Variants in OLFM3 observed in about 807,000 individuals in gnomAD.
The protein encoded by OLFM3 is noelin-3.
Under a neutral mutation model 48.6 loss-of-function variants are expected in OLFM3, and 20 were observed. The observed-to-expected ratio is 0.41, with a 90% CI of 0.29 to 0.60. The LOEUF (loss-of-function observed/expected upper bound fraction) is 0.60. OLFM3 is among the 20% of genes least tolerant of loss of function. The pLI is 0.28. For synonymous variants in OLFM3, 222 were observed against 198.1 expected (o/e 1.12, Z -1.01); for missense variants, 437 against 544.3 (o/e 0.80, Z 1.96).
intron 1 of OLFM3, among the ~76,000 whole-genome samples, chr1:101,852,356 T>A (rs1656255266): frequency 1.3e-5 from 2 of 152,112 alleles, no homozygotes; most frequent in African/African-American, 4.8e-5. Flanking sequence ...TAGCAGTCAA[T>A]TCTCAGTCCC....
chr1:101,969,957 A>C (rs1660734519), intron 1 of OLFM3, among the ~76,000 whole-genome samples: 1 of 152,156 alleles, frequency 6.6e-6, no homozygotes, highest in African/African-American at 2.4e-5. Context: ...TAACTGACAC[A>C]GGAGTTTCCC....
In OLFM3 at chr1:101,976,834, A is replaced by T. The variant is rs1660968237; in HGVS notation, c.69+19914T>A. Among the ~76,000 whole-genome samples, 3 of 152,160 alleles carry T rather than the reference A, an allele frequency of 2.0e-5. No homozygotes were observed. In the South Asian group the frequency reaches 6.2e-4, roughly 32 times the overall value. Reference sequence around the variant, plus strand: ...AACTTTTCTTTTCTTCCCTTCTAAGAATCTAAATTACTCTAAGAATCTCAA... The same window carrying T: ...AACTTTTCTTTTCTTCCCTTCTAAGTATCTAAATTACTCTAAGAATCTCAA... On this transcript the variant is annotated intron_variant, in intron 1 of 5. Coordinates refer to ENST00000370103, the MANE Select transcript of OLFM3 (RefSeq NM_058170.4).
chr1:101,959,456 T>C (rs924335535), intron 1 of OLFM3, among the ~76,000 whole-genome samples: 1 of 152,082 alleles, frequency 6.6e-6, no homozygotes, highest in Admixed American at 6.6e-5. Context: ...TGAATCTTGA[T>C]AATAACAGGT....
intron 1 of OLFM3, among the ~76,000 whole-genome samples, chr1:101,859,088 T>C (rs1265351715): frequency 6.6e-6 from 1 of 151,742 alleles, no homozygotes. Context: ...GAGATCTGAG[T>C]AGCTTGCAGT....
chr1:101,909,295 A>G (rs1448703548), intron 1 of OLFM3, among the ~76,000 whole-genome samples: 5 of 152,262 alleles, frequency 3.3e-5, no homozygotes, highest in Admixed American at 1.3e-4. Context: ...TCCTCAAGAC[A>G]TTCAAATGCT....
chr1:101,859,593 G>T (rs1359333533), intron 1 of OLFM3, among the ~76,000 whole-genome samples: 1 of 152,110 alleles, frequency 6.6e-6, no homozygotes, highest in Non-Finnish European at 1.5e-5. Context: ...TATACTTACT[G>T]ATTGAGCATT....
intron 1 of OLFM3, among the ~76,000 whole-genome samples, chr1:101,868,753 T>C (rs1656956262): frequency 6.6e-6 from 1 of 152,220 alleles, no homozygotes; most frequent in Non-Finnish European, 1.5e-5. Context: ...AAAGGTTTCA[T>C]GGGCTGGGCC....
intron 1 of OLFM3, among the ~76,000 whole-genome samples, chr1:101,908,148 A>T (rs1324263526): frequency 2.0e-5 from 3 of 152,168 alleles, no homozygotes; most frequent in African/African-American, 7.2e-5. Context: ...CACATGCCTG[A>T]GGAAAAAACT....
chr1:101,962,487 A>C (rs1174902202), intron 1 of OLFM3, among the ~76,000 whole-genome samples: 1 of 152,140 alleles, frequency 6.6e-6, no homozygotes, highest in Non-Finnish European at 1.5e-5. Flanking sequence ...TGATGCATGG[A>C]TTATGACCAA....
At chr1:101,856,821 T>C (rs1302136236) in intron 1 of OLFM3, among the ~76,000 whole-genome samples, 4 of 151,996 alleles carry the variant, frequency 2.6e-5, no homozygotes, top group African/African-American at 7.3e-5. Flanking sequence ...CAAACTGGGA[T>C]TGTAACAGAA....
At chr1:101,941,003 A>C (rs1659778205) in intron 1 of OLFM3, among the ~76,000 whole-genome samples, 1 of 152,104 alleles carries the variant, frequency 6.6e-6, no homozygotes, top group Non-Finnish European at 1.5e-5. Context: ...TGTAGGTAAA[A>C]TGCAAGGAGT....
Position 101,825,189 on chromosome 1 carries a change from G to T in OLFM3, c.429C>A (p.Tyr143Ter). ...LLPLIPVLEQYKTDAKLITQF... is the reference protein window; with the variant it reads ...LLPLIPVLEQ The stretch of plus-strand genomic sequence containing the variant: ...GGGTGATTAACTTAGCATCTGTTTT[G>T]TACTGTTCCAGCACGGGGATCAAAG... The change falls in exon 4 of 6, where the codon TAC (tyrosine) becomes TAA (stop). Residue 143 changes from tyrosine to a stop codon, truncating the protein, a stop_gained. Transcript: ENST00000370103. LOFTEE classifies it high-confidence loss of function. 6.2e-7 allele frequency: 1 copy of T among 1,613,978 alleles called. No homozygotes were observed. The highest frequency in any genetic ancestry group is 8.5e-7 in the Non-Finnish European group (1 of 1,179,936).
chr1:101,806,264 G>A (rs1346665729), intron 4 of OLFM3, 82 bp from the exon 5 acceptor site: 2 of 1,036,148 alleles, frequency 1.9e-6, no homozygotes, highest in Admixed American at 1.8e-5. Flanking sequence ...AGCAAAGAAG[G>A]GGATCATAAA....
intron 1 of OLFM3, among the ~76,000 whole-genome samples, chr1:101,882,219 T>C (rs1405955725): frequency 2.0e-5 from 3 of 150,780 alleles, no homozygotes; most frequent in African/African-American, 7.3e-5. Context: ...GTATTGACTA[T>C]ATAACAATCA....
intron 1 of OLFM3, among the ~76,000 whole-genome samples, chr1:101,842,574 G>C (rs1026956197): frequency 3.3e-5 from 5 of 152,078 alleles, no homozygotes; most frequent in Admixed American, 6.6e-5. Context: ...ATTTAGGTTG[G>C]TCACCTCTGC....
At chr1:101,901,855 T>C (rs1360997) in intron 1 of OLFM3, among the ~76,000 whole-genome samples, 16,355 of 152,088 alleles carry the variant, frequency 0.11, 1,502 homozygotes, top group East Asian at 0.36. Context: ...TCTGATTTGA[T>C]TTAAATGCTA....
chr1:101,920,178 T>C (rs1210564152), intron 1 of OLFM3, among the ~76,000 whole-genome samples: 2 of 152,206 alleles, frequency 1.3e-5, no homozygotes, highest in Non-Finnish European at 2.9e-5. Context: ...CATTTTCAAA[T>C]ACAATATGCA....
intron 1 of OLFM3, among the ~76,000 whole-genome samples, chr1:101,949,818 T>C (rs1660068242): frequency 6.7e-6 from 1 of 150,132 alleles, no homozygotes; most frequent in Non-Finnish European, 1.5e-5. Context: ...TAGTCCCAGC[T>C]ACTCGGGAGG....
At chr1:101,863,417 A>G (rs925681637) in intron 1 of OLFM3, among the ~76,000 whole-genome samples, 11 of 152,206 alleles carry the variant, frequency 7.2e-5, no homozygotes, top group African/African-American at 4.8e-5. Context: ...TCAAATATCA[A>G]GCTACTTCAA....
Sources: allele counts gnomAD v4.1 joint callset (sites outside exome capture counted in the v4.1 genomes callset), GRCh38; gene constraint gnomAD v4.1.1; transcripts MANE v1.5; gene names NCBI Gene and HGNC (gene_info 2026-07-23, HGNC 2026-07-21).